SASH1: variants seen among roughly 807,000 people sequenced by gnomAD.
The protein encoded by SASH1 is SAM and SH3 domain containing 1, also known as SAM and SH3 domain-containing protein 1.
Under a neutral mutation model 125.2 loss-of-function variants are expected in SASH1, and 44 were observed. The observed-to-expected ratio is 0.35, with a 90% CI of 0.28 to 0.45. The LOEUF (loss-of-function observed/expected upper bound fraction) is 0.45. Ranked by LOEUF, SASH1 falls within the 20% of genes least tolerant of loss-of-function variation. The pLI is 1.00. For missense variants in SASH1, 1,426 were observed against 1,614.5 expected, an observed-to-expected ratio of 0.88 and a Z score of 2.00; for synonymous variants, 639 against 649.1, an observed-to-expected ratio of 0.98 and a Z score of 0.24.
intron 1 of SASH1, among the ~76,000 whole-genome samples, chr6:148,307,578 G>GTAT (rs1395619283): frequency 6.6e-6 from 1 of 152,082 alleles, no homozygotes; most frequent in Non-Finnish European, 1.5e-5. Flanking sequence ...GCATCTGATT[G>GTAT]TATTTATTGT....
At chr6:148,472,463 T>G (rs1583215382) in intron 6 of SASH1, among the ~76,000 whole-genome samples, 2 of 146,996 alleles carry the variant, frequency 1.4e-5, no homozygotes, top group South Asian at 2.1e-4. Flanking sequence ...AAAAAAACAG[T>G]CTAAAGCTAA....
intron 1 of SASH1, among the ~76,000 whole-genome samples, chr6:148,377,169 C>CAAA (rs59339599): frequency 1.3e-4 from 12 of 94,186 alleles, no homozygotes; most frequent in Middle Eastern, 5.4e-3. Flanking sequence ...GACTCCGTCT[C>CAAA]AAAAAAAAAA....
chr6:148,540,407 C>T lies in SASH1; in HGVS notation c.2096-36C>T, dbSNP rs1457556666. On this transcript the variant is annotated intron_variant, in intron 16 of 19. Coordinates refer to ENST00000367467, the MANE Select transcript of SASH1 (RefSeq NM_015278.5). ...GACTCTGAAACCTCTGCTTTTCACT[C>T]ACCTTGTTGATTTCATGCCGTGTTC... is the stretch of plus-strand genomic sequence containing the variant. 8 of 1,536,676 alleles carry T rather than the reference C, an allele frequency of 5.2e-6. No individual in the cohort carries two copies. In the African/African-American group the frequency reaches 1.1e-4, roughly 21 times the overall value.
chr6:148,399,783 G>C (rs891655165), intron 2 of SASH1, among the ~76,000 whole-genome samples: 1 of 151,702 alleles, frequency 6.6e-6, no homozygotes, highest in Non-Finnish European at 1.5e-5. Context: ...CAGGTATCCA[G>C]GGTTTGGCCA....
the SASH1 span, among the ~76,000 whole-genome samples, chr6:148,220,708 A>T: frequency 1.3e-5 from 2 of 152,154 alleles, no homozygotes; most frequent in Non-Finnish European, 2.9e-5. Flanking sequence ...TGAGGCCAGG[A>T]GTTTCAGACC....
intron 1 of SASH1, among the ~76,000 whole-genome samples, chr6:148,320,354 C>G (rs372052777): frequency 6.6e-6 from 1 of 152,242 alleles, no homozygotes; most frequent in African/African-American, 2.4e-5. Flanking sequence ...TGGGCCACCC[C>G]CCTTGATAGC....
chr6:148,310,810 T>C (rs1271951710), intron 1 of SASH1, among the ~76,000 whole-genome samples: 5 of 152,134 alleles, frequency 3.3e-5, no homozygotes, highest in African/African-American at 2.4e-5. Context: ...TTAGAATGAC[T>C]TTTAAAAAAA....
In SASH1 at chr6:148,293,006, C is replaced by T. The variant is rs370100780; in HGVS notation, n.74+20629C>T. Reference sequence around the variant, plus strand: ...GTTGGAGGTTGCAATGAGTCGAGATCGCACCACCCACTGTACTCCAGCCTG... The same window carrying T: ...GTTGGAGGTTGCAATGAGTCGAGATTGCACCACCCACTGTACTCCAGCCTG... On this transcript the variant is annotated intron_variant and non_coding_transcript_variant, in intron 1 of 3. Coordinates refer to the SASH1 transcript ENST00000367469. Among the ~76,000 whole-genome samples, 38 of 151,652 alleles carry T rather than the reference C, an allele frequency of 2.5e-4. 1 individual carries two copies. The South Asian group carries it at 7.3e-3, about 29-fold the overall frequency.
At chr6:148,252,509 C>T in the SASH1 span, among the ~76,000 whole-genome samples, 3 of 148,774 alleles carry the variant, frequency 2.0e-5, no homozygotes, top group Non-Finnish European at 3.0e-5. Flanking sequence ...GACAGAGTCT[C>T]GCTTTGTCGC....
At position 148,342,932 on chromosome 6, in the gene SASH1, C is replaced by A. The variant is rs1410514743; in HGVS notation, c.-136C>A. Reference sequence around the variant, plus strand: ...AGGGCCCCCGCGGGGTGGCCGGGGCCGCCGGGGCATGCAGCGCGGGGGCGC... The same window carrying A: ...AGGGCCCCCGCGGGGTGGCCGGGGCAGCCGGGGCATGCAGCGCGGGGGCGC... On this transcript the variant is annotated 5_prime_UTR_variant, in exon 1 of 20. Transcript: ENST00000367467. The A allele has an allele frequency of 3.7e-6, 3 of 818,266 alleles. No homozygotes were observed. The highest frequency in any genetic ancestry group is 4.4e-6 in the Non-Finnish European group (3 of 677,492). 50.7% of individuals were successfully genotyped at this position (818,266 alleles called of 1,614,324 possible).
At chr6:148,547,918 C>T (rs1045911724) in intron 19 of SASH1, among the ~76,000 whole-genome samples, 4 of 152,220 alleles carry the variant, frequency 2.6e-5, no homozygotes, top group Non-Finnish European at 4.4e-5. Context: ...ACCCTACCCA[C>T]TGAATGCTAC....
chr6:148,272,326 C>T (rs1206685639), exon 1 of SASH1: 2 of 470,162 alleles, frequency 4.3e-6, no homozygotes, highest in African/African-American at 4.0e-5. Context: ...AAGTCAGAGA[C>T]CATTTGAACG....
rs150514927 is a variant in SASH1 at position 148,320,962 on chromosome 6, C to T, written n.74+48585C>T. ...TTACTAACTCAGATGAAGCCTCTTA[C>T]AAGAAGTCTTCCATAATGCCTCAAG... On this transcript the variant is annotated intron_variant and non_coding_transcript_variant, in intron 1 of 3. Transcript: ENST00000367469. 2.0e-5 allele frequency among the ~76,000 whole-genome samples: 3 copies of T among 152,362 alleles called. No individual in the cohort carries two copies. In the East Asian group the frequency reaches 5.8e-4, roughly 29 times the overall value.
chr6:148,519,496 T>C lies in SASH1; in HGVS notation c.863-51T>C, dbSNP rs368827306. 100 of 1,361,066 alleles carry C rather than the reference T, an allele frequency of 7.3e-5. No homozygotes were observed. Among genetic ancestry groups the C allele is most frequent in the Non-Finnish European group, 9.8e-5 (95 of 966,122 alleles). 84.3% of individuals were successfully genotyped at this position (1,361,066 alleles called of 1,614,324 possible). A position where few individuals can be genotyped will look rare whatever the true frequency, so the allele number is the denominator to read the frequency against. On this transcript the variant is annotated intron_variant, in intron 9 of 19. Coordinates refer to ENST00000367467, the MANE Select transcript of SASH1 (RefSeq NM_015278.5). The surrounding 1 kb of genome is among the most constrained non-coding windows in gnomAD (Gnocchi z 4.8). ...GGTGGTGAATGTAAAGAAAGATGTA[T>C]GCAAGAATGCAAAGGTGTGTTCACA...
At chr6:148,438,252 C>G (rs769992865) in intron 2 of SASH1, among the ~76,000 whole-genome samples, 2 of 152,214 alleles carry the variant, frequency 1.3e-5, no homozygotes, top group South Asian at 2.1e-4. Flanking sequence ...GCTAATTATA[C>G]TTTTGCTTAC....
chr6:148,273,245 G>A (rs1779106050), intron 1 of SASH1, among the ~76,000 whole-genome samples: 1 of 151,628 alleles, frequency 6.6e-6, no homozygotes, highest in Non-Finnish European at 1.5e-5. Context: ...TGGTGACAGA[G>A]TGAGATCTTG....
chr6:148,396,348 C>A (rs940214999), intron 2 of SASH1, among the ~76,000 whole-genome samples: 1 of 151,394 alleles, frequency 6.6e-6, no homozygotes, highest in Non-Finnish European at 1.5e-5. Context: ...TGTGGTGGTG[C>A]GCACCTATAA....
chr6:148,535,555 A>G (rs1211890107), intron 16 of SASH1, among the ~76,000 whole-genome samples: 1 of 152,214 alleles, frequency 6.6e-6, no homozygotes, highest in Non-Finnish European at 1.5e-5. Flanking sequence ...TAGAGCAGAG[A>G]ATTCCGTATC....
intron 8 of SASH1, chr6:148,514,120 G>A: frequency 7.5e-7 from 1 of 1,331,624 alleles, no homozygotes; most frequent in Non-Finnish European, 9.6e-7. Flanking sequence ...GTGTTTCCGT[G>A]CCTAGGACCT....
Sources: allele counts gnomAD v4.1 joint callset (sites outside exome capture counted in the v4.1 genomes callset), GRCh38; gene constraint gnomAD v4.1.1; non-coding constraint Gnocchi (gnomAD v3.1); transcripts MANE v1.5; gene names NCBI Gene and HGNC (gene_info 2026-07-23, HGNC 2026-07-21).